The following ACADS variants were observed in gnomAD, a reference collection of about 807,000 sequenced individuals.
ACADS encodes the protein acyl-CoA dehydrogenase short chain.
ACADS carries 28 observed loss-of-function variants against 46.8 expected under a neutral mutation model. That is an observed-to-expected ratio of 0.60 (90% confidence interval 0.44 to 0.82). The LOEUF (loss-of-function observed/expected upper bound fraction) is 0.82, where lower values mean the gene tolerates loss of function less well. Ranked by LOEUF, ACADS falls within the 40% of genes least tolerant of loss-of-function variation. The pLI is 0.00. For synonymous variants in ACADS, 236 were observed against 237.7 expected, an observed-to-expected ratio of 0.99 and a Z score of 0.07; for missense variants, 528 against 578.0, an observed-to-expected ratio of 0.91 and a Z score of 0.89.
chr12:120,727,171 TCTCTTCC>T lies in ACADS; in HGVS notation c.194_200del (p.Leu65GlnfsTer5). ...TTGCAGCCCAGGTGGATAAGGAACA[TCTCTTCC>T]CAGCGGCTCAGGTGAGAGTGCAACC... On this transcript the variant is annotated frameshift_variant, in exon 2 of 10. Transcript: ENST00000242592. LOFTEE classifies it high-confidence loss of function. The T allele has an allele frequency of 6.2e-7, 1 of 1,614,078 alleles. No homozygotes were observed. The highest frequency in any genetic ancestry group is 8.5e-7 in the Non-Finnish European group (1 of 1,180,010).
At chr12:120,731,795 T>C (rs1182896318) in intron 2 of ACADS, among the ~76,000 whole-genome samples, 2 of 151,994 alleles carry the variant, frequency 1.3e-5, no homozygotes, top group Non-Finnish European at 2.9e-5. Context: ...CCTTCCGCAG[T>C]GTTTGTGTCC....
chr12:120,731,376 C>T (rs1474245874), intron 2 of ACADS, among the ~76,000 whole-genome samples: 1 of 152,086 alleles, frequency 6.6e-6, no homozygotes, highest in Non-Finnish European at 1.5e-5. Flanking sequence ...TCAACCTCCT[C>T]CTGAGTAGCT....
Position 120,739,399 on chromosome 12 carries a change from T to C in ACADS, c.1190T>C (p.Ile397Thr). 1 of 1,612,708 alleles carries C rather than the reference T, an allele frequency of 6.2e-7. No homozygotes were observed. Among genetic ancestry groups the C allele is most frequent in the Non-Finnish European group, 8.5e-7 (1 of 1,179,944 alleles). Residue 397 changes from isoleucine to threonine, a missense_variant, in exon 10 of 10, where the codon ATC (isoleucine) becomes ACC (threonine). By Grantham distance (89) the Ile-to-Thr change is moderately conservative. Coordinates refer to ENST00000242592, the MANE Select transcript of ACADS (RefSeq NM_000017.4). The part of the protein sequence containing the change: ...ITEIYEGTSE[I>T]QRLVIAGHLL... ...GAGATCTACGAGGGCACCAGCGAAA[T>C]CCAGCGGCTGGTGATCGCCGGGCAT... is the stretch of plus-strand genomic sequence containing the variant.
intron 2 of ACADS, among the ~76,000 whole-genome samples, chr12:120,732,797 G>A (rs1368085990): frequency 2.0e-5 from 3 of 151,610 alleles, no homozygotes; most frequent in Non-Finnish European, 4.4e-5. Flanking sequence ...AGGCAGAGAC[G>A]CTCCTCATTT....
Position 120,739,361 on chromosome 12 carries a change from C to T in ACADS, c.1152C>T (p.Asp384=), listed in dbSNP as rs771814293. 58 of 1,612,928 alleles carry T rather than the reference C, an allele frequency of 3.6e-5. No individual in the cohort carries two copies. The highest frequency in any genetic ancestry group is 1.6e-4 in the Middle Eastern group (1 of 6,082). Residue 384 remains aspartate, a synonymous_variant, in exon 10 of 10, where the codon GAC becomes GAT. Coordinates refer to ENST00000242592, the MANE Select transcript of ACADS (RefSeq NM_000017.4). ...TEMPAERHYR[D]ARITEIYEGT... ...TGCCGGCAGAGCGGCACTACCGCGA[C>T]GCCCGCATCACTGAGATCTACGAGG...
In ACADS at chr12:120,738,875, G is replaced by C. The variant is rs199633532; in HGVS notation, c.989G>C (p.Arg330Pro). The change falls in exon 8 of 10, where the codon CGC becomes CCC. Residue 330 changes from arginine to proline, a missense_variant. Physicochemically the swap from Arg to Pro is moderately radical, Grantham distance 103. Transcript: ENST00000242592. ...GAGAGTGCCCGGCTGCTGACCTGGC[G>C]CGCTGCCATGCTGAAGGATAACAAG... Reference protein sequence around the residue: ...ALESARLLTWRAAMLKDNKKP... With the variant: ...ALESARLLTWPAAMLKDNKKP... 2 of 1,613,858 alleles carry C rather than the reference G, an allele frequency of 1.2e-6. No individual in the cohort carries two copies. The highest frequency in any genetic ancestry group is 1.7e-6 in the Non-Finnish European group (2 of 1,180,026).
chr12:120,739,314 G>A lies in ACADS; in HGVS notation c.1105G>A (p.Gly369Ser), dbSNP rs145466253. Reference protein sequence around the residue: ...ISHQAIQILGGMGYVTEMPAE... With the variant: ...ISHQAIQILGSMGYVTEMPAE... ...ATCTCAGGCCATCCAGATCCTGGGC[G>A]GCATGGGCTACGTGACAGAGATGCC... The change falls in exon 10 of 10, where the codon GGC becomes AGC. Residue 369 changes from glycine (G) to serine (S), a missense_variant. By Grantham distance (56) the Gly-to-Ser change is moderately conservative. Coordinates refer to ENST00000242592, the MANE Select transcript of ACADS (RefSeq NM_000017.4). The A allele has an allele frequency of 3.8e-5, 62 of 1,613,058 alleles. No homozygotes were observed. The highest frequency in any genetic ancestry group is 4.6e-5 in the Non-Finnish European group (54 of 1,179,936).
At chr12:120,726,437 G>A (rs1172313376) in intron 1 of ACADS, among the ~76,000 whole-genome samples, 1 of 152,224 alleles carries the variant, frequency 6.6e-6, no homozygotes, top group Non-Finnish European at 1.5e-5. Context: ...GGTTAATACA[G>A]TACCTTTCCC....
At chr12:120,737,204 C>T in intron 3 of ACADS, 69 bp downstream of exon 3, 3 of 1,544,896 alleles carry the variant, frequency 1.9e-6, no homozygotes, top group South Asian at 2.4e-5. Context: ...CAGGCTCTGG[C>T]CTCGGCTCCC....
intron 2 of ACADS, among the ~76,000 whole-genome samples, chr12:120,731,633 A>T (rs696339): frequency 0.6 from 90,245 of 151,644 alleles, 29,629 homozygotes; most frequent in African/African-American, 0.89. Context: ...TCTTGTATTT[A>T]TTTTATTTTA....
chr12:120,739,352 C>T lies in ACADS; in HGVS notation c.1143C>T (p.His381=), dbSNP rs1439604324. The change falls in exon 10 of 10, where the codon CAC becomes CAT. Residue 381 remains histidine (H), a synonymous_variant. Transcript: ENST00000242592. ...GYVTEMPAER[H]YRDARITEIY... ...TGACAGAGATGCCGGCAGAGCGGCA[C>T]TACCGCGACGCCCGCATCACTGAGA... 6.2e-7 allele frequency: 1 copy of T among 1,612,960 alleles called. No individual in the cohort carries two copies.
chr12:120,738,759 C>A, intron 7 of ACADS, 61 bp from the exon 8 acceptor site: 1 of 1,611,742 alleles, frequency 6.2e-7, no homozygotes, highest in Non-Finnish European at 8.5e-7. Context: ...CCTCCTCCCC[C>A]TCCCTTCTGT....
At position 120,739,103 on chromosome 12, in the gene ACADS, C is replaced by T. The variant is rs1377762569; in HGVS notation, c.1030-37C>T. ...GGGGGAGCAGGGGATGGAGGGGTCC[C>T]CTCAAGGGAAGGCTCTGACTGTACC... On this transcript the variant is annotated intron_variant, in intron 8 of 9. Transcript: ENST00000242592. 3 of 1,612,798 alleles carry T rather than the reference C, an allele frequency of 1.9e-6. No homozygotes were observed. In the East Asian group the frequency reaches 6.7e-5, roughly 36 times the overall value.
Position 120,739,668 on chromosome 12 carries a change from T to C in ACADS, c.*220T>C. 3 of 607,256 alleles carry C rather than the reference T, an allele frequency of 4.9e-6. No individual in the cohort carries two copies. Among genetic ancestry groups the C allele is most frequent in the South Asian group, 2.0e-5 (1 of 49,768 alleles). 37.6% of individuals were successfully genotyped at this position (607,256 alleles called of 1,614,324 possible). ...GCCTCCTCACCACTGTGCCTCAAGTTCCTCATCTAAGTGGCCCTGGCCTCC... is the reference window on the plus strand; with the variant it reads ...GCCTCCTCACCACTGTGCCTCAAGTCCCTCATCTAAGTGGCCCTGGCCTCC... On this transcript the variant is annotated 3_prime_UTR_variant, in exon 10 of 10. Transcript: ENST00000242592.
chr12:120,733,028 T>C lies in ACADS; in HGVS notation c.211-3958T>C, dbSNP rs184475506. On this transcript the variant is annotated intron_variant, in intron 2 of 9. Transcript: ENST00000242592. The stretch of plus-strand genomic sequence containing the variant: ...CCTGGTTAGGAGCTGGAGACCAGCC[T>C]GGCCAACACAGCGAAACCCCGTCTC... Among the ~76,000 whole-genome samples, 472 of 147,306 alleles carry C rather than the reference T, an allele frequency of 3.2e-3. 2 individuals are homozygous for C. Among genetic ancestry groups the C allele is most frequent in the Non-Finnish European group, 5.3e-3 (351 of 66,414 alleles).
At position 120,739,419 on chromosome 12, in the gene ACADS, G is replaced by A. The variant is rs545737847; in HGVS notation, c.1210G>A (p.Gly404Arg). The part of the protein sequence containing the change: ...TSEIQRLVIA[G>R]HLLRSYRS ...CGAAATCCAGCGGCTGGTGATCGCC[G>A]GGCATCTGCTCAGGAGCTACCGGAG... Residue 404 changes from glycine (G) to arginine (R), a missense_variant, in exon 10 of 10, where the codon GGG becomes AGG. Physicochemically the swap from Gly to Arg is moderately radical, Grantham distance 125 (BLOSUM62 -2). Coordinates refer to ENST00000242592, the MANE Select transcript of ACADS (RefSeq NM_000017.4). 3.3e-5 allele frequency: 53 copies of A among 1,611,508 alleles called. No homozygotes were observed. In the East Asian group the frequency reaches 8.2e-4, roughly 25 times the overall value.
rs1883493895 is a variant in ACADS at position 120,737,476 on chromosome 12, C to G, written c.472+9C>G. 1.2e-6 allele frequency: 2 copies of G among 1,608,588 alleles called. No homozygotes were observed. The highest frequency in any genetic ancestry group is 1.7e-5 in the Admixed American group (1 of 60,012). ...TGCCCTCAGCGAACCAGGTACCTGC[C>G]CTGTCCCCTCACCTGTCCTTAGGGT... is the stretch of plus-strand genomic sequence containing the variant. On this transcript the variant is annotated intron_variant, in intron 4 of 9. Coordinates refer to ENST00000242592, the MANE Select transcript of ACADS (RefSeq NM_000017.4).
In ACADS at chr12:120,727,681, C is replaced by T. The variant is rs1240972472; in HGVS notation, c.210+492C>T. Among the ~76,000 whole-genome samples the T allele has an allele frequency of 8.5e-5, 13 of 152,182 alleles. No individual in the cohort carries two copies. The South Asian group carries it at 2.3e-3, about 27-fold the overall frequency. On this transcript the variant is annotated intron_variant, in intron 2 of 9. Transcript: ENST00000242592. ...CCTCCCAAGTAGCTGGGATTATAGG[C>T]GTGCACTGCTCTGCCCCGCTACTTT... is the stretch of plus-strand genomic sequence containing the variant.
At chr12:120,727,935 T>G (rs867949334) in intron 2 of ACADS, among the ~76,000 whole-genome samples, 1 of 152,112 alleles carries the variant, frequency 6.6e-6, no homozygotes, top group Non-Finnish European at 1.5e-5. Flanking sequence ...CTGCTCGACC[T>G]ATTTTCTTTT....
Sources: gnomAD v4.1 joint callset for allele counts (sites outside exome capture counted in the v4.1 genomes callset) on GRCh38, gnomAD v4.1.1 for gene constraint, MANE v1.5 for transcripts, NCBI Gene and HGNC (gene_info 2026-07-23, HGNC 2026-07-21) for gene names.